COL13A1: variants seen among roughly 807,000 people sequenced by gnomAD.
COL13A1 encodes the protein collagen alpha-1(XIII) chain.
A neutral mutation model predicts 130.9 loss-of-function variants in COL13A1; 89 were observed. The ratio of observed to expected loss-of-function variants is 0.68; its 90% CI spans 0.57 to 0.81. The LOEUF is 0.81. COL13A1 is among the 30% of genes least tolerant of loss of function. The probability of loss-of-function intolerance (pLI) is 0.00; values close to 1 mark genes in which losing one functional copy is unlikely to be tolerated. For missense variants in COL13A1, 879 were observed against 934.6 expected, an observed-to-expected ratio of 0.94 and a Z score of 0.78; for synonymous variants, 402 against 341.6, an observed-to-expected ratio of 1.18 and a Z score of -1.95.
chr10:69,925,979 A>T, intron 26 of COL13A1, 107 bp downstream of exon 26: 1 of 886,892 alleles, frequency 1.1e-6, no homozygotes, highest in Non-Finnish European at 1.8e-6. Context: ...CCCTGCCCTC[A>T]GGCCCTCAGG....
At chr10:69,838,910 T>G (rs985617241) in intron 2 of COL13A1, among the ~76,000 whole-genome samples, 2 of 152,222 alleles carry the variant, frequency 1.3e-5, no homozygotes, top group Admixed American at 1.3e-4. Flanking sequence ...GCGAAGCCAG[T>G]GAGTTCCTGC....
chr10:69,894,464 G>T, intron 10 of COL13A1, 88 bp from the exon 11 acceptor site: 2 of 1,521,714 alleles, frequency 1.3e-6, no homozygotes, highest in East Asian at 2.3e-5. Context: ...CAGCCTTCGG[G>T]ATTCAGCCCC....
intron 6 of COL13A1, among the ~76,000 whole-genome samples, chr10:69,878,556 A>G (rs2059840123): frequency 6.6e-6 from 1 of 151,788 alleles, no homozygotes; most frequent in Admixed American, 6.6e-5. Flanking sequence ...ATCTCGGCTC[A>G]CTGCAACCTC....
rs1190484120 is a variant in COL13A1, at chr10:69,936,148, G to A, written c.1771-608G>A. Among the ~76,000 whole-genome samples, 4 of 3,888 alleles carry A rather than the reference G, an allele frequency of 1.0e-3. No individual in the cohort carries two copies. The Non-Finnish European group carries it at 0.036, about 35-fold the overall frequency. The allele number at this position is 3,888 out of a possible 152,430, so 2.6% of individuals were successfully genotyped here. Reference sequence around the variant, plus strand: ...AGGAAAGAAGGAAGGAAGGAAGGAAGGAAGGAAGGAAGGAAGGAAGGAAGG... The same window carrying A: ...AGGAAAGAAGGAAGGAAGGAAGGAAAGAAGGAAGGAAGGAAGGAAGGAAGG... On this transcript the variant is annotated intron_variant, in intron 32 of 40. Transcript: ENST00000645393.
intron 5 of COL13A1, among the ~76,000 whole-genome samples, chr10:69,876,062 G>A (rs1005677123): frequency 2.0e-5 from 3 of 152,230 alleles, no homozygotes; most frequent in Non-Finnish European, 4.4e-5. Context: ...GTGCTCAGAG[G>A]TTGAGAAAAG....
At chr10:69,941,225 C>G (rs1330838208) in intron 35 of COL13A1, among the ~76,000 whole-genome samples, 1 of 152,178 alleles carries the variant, frequency 6.6e-6, no homozygotes, top group East Asian at 1.9e-4. Flanking sequence ...TCTGAATGCC[C>G]CTGTCCACAG....
chr10:69,936,006 T>A (rs1285367090), intron 32 of COL13A1, among the ~76,000 whole-genome samples: 3 of 80,134 alleles, frequency 3.7e-5, no homozygotes, highest in African/African-American at 1.4e-4. Context: ...AGTGAGACCC[T>A]GTCTCAAAAA....
intron 6 of COL13A1, chr10:69,879,474 C>T (rs1301392377): frequency 6.6e-6 from 1 of 152,258 alleles, no homozygotes; most frequent in East Asian, 1.9e-4. Flanking sequence ...CAGAGCTGAT[C>T]TTCAGACCCA....
intron 9 of COL13A1, 107 bp from the exon 10 acceptor site, chr10:69,889,307 C>CG (rs932116642): frequency 2.9e-6 from 4 of 1,397,736 alleles, no homozygotes; most frequent in South Asian, 2.5e-5. Context: ...GGGAGGAGCA[C>CG]GGGGGGCAGG....
At chr10:69,829,339 T>C (rs1364877741) in intron 2 of COL13A1, 4 of 848,160 alleles carry the variant, frequency 4.7e-6, no homozygotes, top group Non-Finnish European at 5.7e-6. Flanking sequence ...TTCAGTACTT[T>C]CCATCACCCT....
chr10:69,898,611 C>A, intron 13 of COL13A1, 86 bp from the exon 14 acceptor site: 1 of 1,178,152 alleles, frequency 8.5e-7, no homozygotes, highest in East Asian at 2.5e-5. Flanking sequence ...GGTTGCCCTG[C>A]CCTCCTGGTG....
At chr10:69,809,255 A>T (rs2132186178) in intron 1 of COL13A1, among the ~76,000 whole-genome samples, 1 of 152,362 alleles carries the variant, frequency 6.6e-6, no homozygotes, top group East Asian at 1.9e-4. Context: ...CATTTGGCTA[A>T]TGGCAACTGT....
chr10:69,922,012 G>T (rs2064752078), intron 22 of COL13A1, 77 bp downstream of exon 22: 3 of 1,487,542 alleles, frequency 2.0e-6, no homozygotes, highest in Non-Finnish European at 2.7e-6. Context: ...ATCCACACAG[G>T]CCCCAGCATT....
At chr10:69,805,085 C>T (rs917227456) in intron 1 of COL13A1, among the ~76,000 whole-genome samples, 1 of 151,982 alleles carries the variant, frequency 6.6e-6, no homozygotes, top group Non-Finnish European at 1.5e-5. Flanking sequence ...AGTCCAGGAC[C>T]CCGGAGGACT....
At chr10:69,906,621 T>C (rs188757701) in intron 17 of COL13A1, among the ~76,000 whole-genome samples, 69 of 152,264 alleles carry the variant, frequency 4.5e-4, no homozygotes, top group Non-Finnish European at 8.1e-4. Flanking sequence ...TTGAAGCAAG[T>C]CACATGACCA....
chr10:69,824,615 C>T (rs1411483837), intron 2 of COL13A1, among the ~76,000 whole-genome samples: 2 of 152,112 alleles, frequency 1.3e-5, no homozygotes, highest in Non-Finnish European at 2.9e-5. Flanking sequence ...CATGAAGCAG[C>T]TCAGAGGGTC....
At chr10:69,944,917 C>T (rs2068245693) in intron 36 of COL13A1, among the ~76,000 whole-genome samples, 1 of 152,146 alleles carries the variant, frequency 6.6e-6, no homozygotes, top group South Asian at 2.1e-4. Flanking sequence ...AGCAGGAAGT[C>T]AGGAGGCCAG....
intron 15 of COL13A1, among the ~76,000 whole-genome samples, chr10:69,904,225 C>G (rs1340817368): frequency 1.3e-5 from 2 of 152,166 alleles, no homozygotes; most frequent in Non-Finnish European, 2.9e-5. Context: ...CCCCACCCCC[C>G]TCCTAACACT....
intron 2 of COL13A1, among the ~76,000 whole-genome samples, chr10:69,864,335 A>G (rs903230362): frequency 6.6e-6 from 1 of 152,152 alleles, no homozygotes; most frequent in Non-Finnish European, 1.5e-5. Flanking sequence ...TGAATGAAGG[A>G]ATGAAAAAAT....
Sources: gnomAD v4.1 joint callset for allele counts (sites outside exome capture counted in the v4.1 genomes callset) on GRCh38, gnomAD v4.1.1 for gene constraint, MANE v1.5 for transcripts, NCBI Gene and HGNC (gene_info 2026-07-23, HGNC 2026-07-21) for gene names.